The following FKBP5 variants were observed in gnomAD, a reference collection of about 807,000 sequenced individuals.
The protein encoded by FKBP5 is peptidyl-prolyl cis-trans isomerase FKBP5.
Under a neutral mutation model 50.5 loss-of-function variants are expected in FKBP5, and 23 were observed. That is an observed-to-expected ratio of 0.46 (90% confidence interval 0.33 to 0.65). The LOEUF (loss-of-function observed/expected upper bound fraction) is 0.65. Among genes scored for constraint, FKBP5 ranks in the 30% least tolerant of loss-of-function variants. The pLI is 0.02. For missense variants in FKBP5, 411 were observed against 553.1 expected (o/e 0.74, Z 2.58); for synonymous variants, 176 against 190.6 (o/e 0.92, Z 0.63).
chr6:35,711,354 C>T (rs963206187), intron 2 of FKBP5, among the ~76,000 whole-genome samples: 6 of 148,330 alleles, frequency 4.0e-5, no homozygotes, highest in Non-Finnish European at 7.4e-5. Flanking sequence ...AGCTGTGGGT[C>T]ATGCTGTAAT....
At position 35,583,450 on chromosome 6, in the gene FKBP5, T is replaced by C. The variant is rs1021712625; in HGVS notation, c.841-3229A>G. ...AATAGTTCCTTCACATAGGGCATTT[T>C]AATTTTTTGAAAGCTCTTGCATATA... On this transcript the variant is annotated intron_variant, in intron 8 of 10. Coordinates refer to ENST00000357266, the MANE Select transcript of FKBP5 (RefSeq NM_004117.4). The C allele has an allele frequency of 1.1e-5, 11 of 985,336 alleles. No individual in the cohort carries two copies. The African/African-American group carries it at 1.7e-4, about 16-fold the overall frequency. 61.0% of individuals were successfully genotyped at this position (985,336 alleles called of 1,614,324 possible).
At chr6:35,617,552 T>A (rs766453168) in intron 5 of FKBP5, among the ~76,000 whole-genome samples, 1 of 152,204 alleles carries the variant, frequency 6.6e-6, no homozygotes, top group Non-Finnish European at 1.5e-5. Context: ...CCCATCCTTG[T>A]TGAATGATTT....
intron 7 of FKBP5, among the ~76,000 whole-genome samples, chr6:35,588,310 C>G (rs1165930431): frequency 6.6e-6 from 1 of 152,082 alleles, no homozygotes; most frequent in Non-Finnish European, 1.5e-5. Flanking sequence ...CTACCGCGCC[C>G]AGTGACTATC....
chr6:35,716,918 G>A (rs2151023509), intron 2 of FKBP5, among the ~76,000 whole-genome samples: 1 of 152,302 alleles, frequency 6.6e-6, no homozygotes, highest in South Asian at 2.1e-4. Context: ...CATGGGCATG[G>A]GGCATCTGCA....
intron 5 of FKBP5, among the ~76,000 whole-genome samples, chr6:35,599,308 T>C (rs762606321): frequency 6.6e-6 from 1 of 152,162 alleles, no homozygotes; most frequent in African/African-American, 2.4e-5. Flanking sequence ...AATATCAATA[T>C]AGTCCAGAAA....
intron 5 of FKBP5, among the ~76,000 whole-genome samples, chr6:35,608,876 C>G (rs1275711558): frequency 1.3e-5 from 2 of 152,238 alleles, no homozygotes; most frequent in East Asian, 3.9e-4. Context: ...TGGCTCACTG[C>G]CACCTCTGTC....
intron 2 of FKBP5, among the ~76,000 whole-genome samples, chr6:35,717,406 G>A (rs1382015912): frequency 6.6e-6 from 1 of 152,214 alleles, no homozygotes; most frequent in Non-Finnish European, 1.5e-5. Context: ...ATGTGTGAGT[G>A]TGTGCTCCAT....
chr6:35,624,682 A>G (rs775727640), intron 3 of FKBP5, among the ~76,000 whole-genome samples: 1 of 152,040 alleles, frequency 6.6e-6, no homozygotes, highest in South Asian at 2.1e-4. Context: ...CCAAACATCA[A>G]TCACCCCACA....
intron 8 of FKBP5, chr6:35,586,698 C>T: frequency 9.0e-7 from 1 of 1,116,098 alleles, no homozygotes; most frequent in Non-Finnish European, 1.1e-6. Context: ...ATTCTTTTTT[C>T]ATTCCAAAAA....
chr6:35,669,052 G>C (rs899228382), intron 1 of FKBP5, among the ~76,000 whole-genome samples: 3 of 152,106 alleles, frequency 2.0e-5, no homozygotes, highest in Non-Finnish European at 4.4e-5. Flanking sequence ...AAAAAAGTTT[G>C]ATCAATTAAT....
At chr6:35,665,297 T>G (rs1430510817) in intron 1 of FKBP5, among the ~76,000 whole-genome samples, 1 of 151,674 alleles carries the variant, frequency 6.6e-6, no homozygotes, top group Non-Finnish European at 1.5e-5. Flanking sequence ...GCTCCTCTTT[T>G]TTTTTTTTTT....
At chr6:35,597,154 C>T in intron 6 of FKBP5, 94 bp downstream of exon 6, 1 of 1,380,806 alleles carries the variant, frequency 7.2e-7, no homozygotes, top group Non-Finnish European at 1.0e-6. Flanking sequence ...GTTGGATTAA[C>T]TTCACTGAAA....
At chr6:35,596,760 A>G (rs1253877042) in intron 6 of FKBP5, among the ~76,000 whole-genome samples, 2 of 152,208 alleles carry the variant, frequency 1.3e-5, no homozygotes, top group African/African-American at 4.8e-5. Context: ...TTAGACAAAA[A>G]ATGAGTCATC....
chr6:35,726,763 C>T (rs145204326), intron 1 of FKBP5, among the ~76,000 whole-genome samples: 15 of 152,300 alleles, frequency 9.8e-5, no homozygotes, highest in East Asian at 9.6e-4. Flanking sequence ...GGGAGGATAT[C>T]ATTTCAATAC....
intron 2 of FKBP5, among the ~76,000 whole-genome samples, chr6:35,706,424 C>CAAAAAAAAAAAAAA (rs71002595): frequency 1.9e-5 from 2 of 103,876 alleles, no homozygotes; most frequent in African/African-American, 3.5e-5. Context: ...AACTCTGTCT[C>CAAAAAAAAAAAAAA]AAAAAAAAAA....
intron 2 of FKBP5, among the ~76,000 whole-genome samples, chr6:35,640,030 C>G (rs1454106802): frequency 6.6e-6 from 1 of 152,200 alleles, no homozygotes; most frequent in Non-Finnish European, 1.5e-5. Flanking sequence ...AAGAGATGCT[C>G]TGATTGTCTC....
chr6:35,664,059 C>T (rs1160300727), intron 1 of FKBP5, among the ~76,000 whole-genome samples: 1 of 152,194 alleles, frequency 6.6e-6, no homozygotes, highest in Non-Finnish European at 1.5e-5. Flanking sequence ...TACTGACTCC[C>T]CAGAAGTGTC....
chr6:35,627,919 G>A (rs1347180936), intron 3 of FKBP5, among the ~76,000 whole-genome samples: 1 of 139,432 alleles, frequency 7.2e-6, no homozygotes, highest in Admixed American at 7.5e-5. Context: ...GCGCCACCAT[G>A]CCCAGCTAAT....
chr6:35,581,617 C>A (rs1762434411), intron 8 of FKBP5: 4 of 985,286 alleles, frequency 4.1e-6, no homozygotes, highest in Non-Finnish European at 4.8e-6. Flanking sequence ...CAAAACAAAA[C>A]AAAACCCCTC....
Sources: allele counts gnomAD v4.1 joint callset (sites outside exome capture counted in the v4.1 genomes callset), GRCh38; gene constraint gnomAD v4.1.1; transcripts MANE v1.5; gene names NCBI Gene and HGNC (gene_info 2026-07-23, HGNC 2026-07-21).